The following CTNNA3 variants were observed in gnomAD, a reference collection of about 807,000 sequenced individuals.
CTNNA3 encodes catenin alpha-3.
A neutral mutation model predicts 95.7 loss-of-function variants in CTNNA3; 76 were observed. The ratio of observed to expected loss-of-function variants is 0.79; its 90% CI spans 0.66 to 0.96. The LOEUF (loss-of-function observed/expected upper bound fraction) is 0.96, where lower values mean the gene tolerates loss of function less well. CTNNA3 is among the 40% of genes least tolerant of loss of function. The pLI, the probability that CTNNA3 is intolerant of heterozygous loss-of-function variation, is 0.00. For synonymous variants in CTNNA3, 431 were observed against 374.4 expected (o/e 1.15, Z -1.74); for missense variants, 1,191 against 1,089.8 (o/e 1.09, Z -1.31).
At chr10:66,966,703 C>T (rs1174762579) in intron 7 of CTNNA3, among the ~76,000 whole-genome samples, 1 of 151,768 alleles carries the variant, frequency 6.6e-6, no homozygotes, top group East Asian at 1.9e-4. Flanking sequence ...GAATAAAAAC[C>T]ACAAGTTTTG....
At chr10:67,046,481 A>G (rs1387100972) in intron 7 of CTNNA3, among the ~76,000 whole-genome samples, 1 of 152,186 alleles carries the variant, frequency 6.6e-6, no homozygotes, top group Non-Finnish European at 1.5e-5. Flanking sequence ...CATTGCCACG[A>G]TATCTTCCTA....
At chr10:67,654,959 A>G (rs1839980923) in intron 1 of CTNNA3, among the ~76,000 whole-genome samples, 1 of 152,210 alleles carries the variant, frequency 6.6e-6, no homozygotes, top group Non-Finnish European at 1.5e-5. Context: ...ATAGTCGAAA[A>G]CACAGAAATA....
At chr10:66,899,045 G>A (rs993787436) in intron 7 of CTNNA3, among the ~76,000 whole-genome samples, 1 of 152,152 alleles carries the variant, frequency 6.6e-6, no homozygotes. Flanking sequence ...AATTAAAAAT[G>A]GGCAAAGGAC....
chr10:67,581,892 T>C (rs1401416675), intron 3 of CTNNA3, among the ~76,000 whole-genome samples: 2 of 152,068 alleles, frequency 1.3e-5, no homozygotes, highest in East Asian at 1.9e-4. Context: ...ATTTCTGTGG[T>C]ATCAATGATG....
intron 5 of CTNNA3, among the ~76,000 whole-genome samples, chr10:67,367,039 G>T (rs1055532805): frequency 3.9e-5 from 6 of 152,052 alleles, no homozygotes; most frequent in Admixed American, 3.9e-4. Flanking sequence ...CCTTGGAAAA[G>T]AATTTATGGC....
chr10:67,559,737 GA>G (rs1455746034), intron 3 of CTNNA3, among the ~76,000 whole-genome samples: 1 of 151,972 alleles, frequency 6.6e-6, no homozygotes, highest in African/African-American at 2.4e-5. Flanking sequence ...TAAAAACTTT[GA>G]AAAAAATATA....
At chr10:67,664,239 G>A (rs1260438940) in intron 1 of CTNNA3, among the ~76,000 whole-genome samples, 1 of 151,932 alleles carries the variant, frequency 6.6e-6, no homozygotes, top group Non-Finnish European at 1.5e-5. Flanking sequence ...AGATCACTCT[G>A]GTGTTTCCAA....
chr10:66,949,671 C>T (rs534674724), intron 7 of CTNNA3, among the ~76,000 whole-genome samples: 1 of 152,152 alleles, frequency 6.6e-6, no homozygotes, highest in East Asian at 1.9e-4. Flanking sequence ...AGTACCACTA[C>T]GTATGTTTCA....
At chr10:66,039,051 A>C (rs2079625218) in intron 15 of CTNNA3, among the ~76,000 whole-genome samples, 1 of 152,322 alleles carries the variant, frequency 6.6e-6, no homozygotes, top group South Asian at 2.1e-4. Flanking sequence ...GGAAAGTTTC[A>C]GCATATAAAA....
chr10:67,398,371 G>A (rs1210497008), intron 5 of CTNNA3, among the ~76,000 whole-genome samples: 1 of 152,212 alleles, frequency 6.6e-6, no homozygotes, highest in African/African-American at 2.4e-5. Context: ...CATGGGGCCT[G>A]TAGCCCCTTT....
intron 5 of CTNNA3, among the ~76,000 whole-genome samples, chr10:67,505,431 G>A (rs1839399914): frequency 6.6e-6 from 1 of 152,068 alleles, no homozygotes; most frequent in African/African-American, 2.4e-5. Flanking sequence ...CACATGTGGT[G>A]GACCATTACA....
chr10:65,929,293 A>T (rs563721610), intron 17 of CTNNA3, among the ~76,000 whole-genome samples: 41 of 152,184 alleles, frequency 2.7e-4, no homozygotes, highest in African/African-American at 9.6e-4. Context: ...CATTTATTAA[A>T]AACTAACTTC....
At position 66,741,123 on chromosome 10, in the gene CTNNA3, A is replaced by G. The variant is rs200807706; in HGVS notation, c.1281+25141T>C. Among the ~76,000 whole-genome samples the G allele has an allele frequency of 2.7e-3, 413 of 152,346 alleles. 2 individuals carry two copies. The highest frequency in any genetic ancestry group is 4.9e-3 in the Non-Finnish European group (332 of 68,030). On this transcript the variant is annotated intron_variant, in intron 9 of 17. Transcript: ENST00000433211. Reference sequence around the variant, plus strand: ...CTATAATCAAAGATAAATTATGATTAGATTTTTTAAATGATATCTTAGTAG... The same window carrying G: ...CTATAATCAAAGATAAATTATGATTGGATTTTTTAAATGATATCTTAGTAG...
At chr10:66,513,606 G>T (rs1314533105) in intron 11 of CTNNA3, among the ~76,000 whole-genome samples, 1 of 152,268 alleles carries the variant, frequency 6.6e-6, no homozygotes, top group East Asian at 1.9e-4. Context: ...TTGTGATGGT[G>T]GCACATCCCA....
chr10:65,965,172 T>C (rs1435021381), intron 17 of CTNNA3, among the ~76,000 whole-genome samples: 3 of 152,202 alleles, frequency 2.0e-5, no homozygotes, highest in African/African-American at 4.8e-5. Flanking sequence ...TTTCGACTTG[T>C]GTTTTTCACT....
At chr10:67,618,281 C>T (rs576898902) in intron 2 of CTNNA3, among the ~76,000 whole-genome samples, 2 of 152,288 alleles carry the variant, frequency 1.3e-5, no homozygotes, top group Non-Finnish European at 2.9e-5. Context: ...CATGTAATAG[C>T]TTAGATATGT....
At chr10:67,753,990 T>C (rs111761293) in intron 1 of CTNNA3, among the ~76,000 whole-genome samples, 18,222 of 152,098 alleles carry the variant, frequency 0.12, 1,103 homozygotes, top group African/African-American at 0.25. Flanking sequence ...ATATAAATCA[T>C]TCTATTATAA....
chr10:67,283,304 A>G (rs961136877), intron 5 of CTNNA3, among the ~76,000 whole-genome samples: 1 of 152,186 alleles, frequency 6.6e-6, no homozygotes, highest in Admixed American at 6.5e-5. Flanking sequence ...GCAGTCTCCC[A>G]ATAGACAGAT....
chr10:66,631,230 C>T (rs1459911171), intron 9 of CTNNA3, among the ~76,000 whole-genome samples: 1 of 152,150 alleles, frequency 6.6e-6, no homozygotes, highest in Non-Finnish European at 1.5e-5. Flanking sequence ...AGATGAGGAA[C>T]AGATTGACTT....
Sources: gnomAD v4.1 joint callset for allele counts (sites outside exome capture counted in the v4.1 genomes callset) on GRCh38, gnomAD v4.1.1 for gene constraint, MANE v1.5 for transcripts, NCBI Gene and HGNC (gene_info 2026-07-23, HGNC 2026-07-21) for gene names.